The following IGF2BP1 variants were observed in gnomAD, a reference collection of about 807,000 sequenced individuals.
IGF2BP1 encodes the protein insulin like growth factor 2 mRNA binding protein 1.
Under a neutral mutation model 74.9 loss-of-function variants are expected in IGF2BP1, and 11 were observed. That is an observed-to-expected ratio of 0.15 (90% CI 0.09 to 0.24). The LOEUF (loss-of-function observed/expected upper bound fraction) is 0.24. Among genes scored for constraint, IGF2BP1 ranks in the 10% least tolerant of loss-of-function variants. The pLI, the probability that IGF2BP1 is intolerant of heterozygous loss-of-function variation, is 1.00. For missense variants in IGF2BP1, 440 were observed against 757.4 expected (o/e 0.58, Z 4.92); for synonymous variants, 287 against 281.8 (o/e 1.02, Z -0.18).
At chr17:49,030,698 C>T (rs1346983384) in intron 4 of IGF2BP1, among the ~76,000 whole-genome samples, 1 of 151,614 alleles carries the variant, frequency 6.6e-6, no homozygotes, top group African/African-American at 2.4e-5. Context: ...CGATCTTTGG[C>T]TTACTGCAAC....
chr17:49,034,436 C>T (rs77124053), intron 5 of IGF2BP1, among the ~76,000 whole-genome samples: 418 of 148,038 alleles, frequency 2.8e-3, no homozygotes, highest in African/African-American at 1.0e-2. Flanking sequence ...TTTTTTTAAA[C>T]CTCAAAATCT....
intron 2 of IGF2BP1, among the ~76,000 whole-genome samples, chr17:49,017,163 G>T (rs2041715689): frequency 6.6e-6 from 1 of 151,964 alleles, no homozygotes; most frequent in African/African-American, 2.4e-5. Flanking sequence ...TTCTACTCTG[G>T]TGTCAGCCAC....
intron 14 of IGF2BP1, 82 bp from the exon 15 acceptor site, chr17:49,049,270 T>G: frequency 1.8e-6 from 2 of 1,116,494 alleles, no homozygotes; most frequent in Non-Finnish European, 2.7e-6. Flanking sequence ...ATTGCCTGTG[T>G]CTGGACCTGA....
Position 49,049,537 on chromosome 17 carries a change from CG to C in IGF2BP1, c.*96del. The C allele has an allele frequency of 1.9e-6, 2 of 1,048,486 alleles. No homozygotes were observed. Among genetic ancestry groups the C allele is most frequent in the Middle Eastern group, 2.9e-4 (1 of 3,490 alleles). 64.9% of individuals were successfully genotyped at this position (1,048,486 alleles called of 1,614,324 possible). ...GCAGGCCTGAGAATGAGTGGGAATC[CG>C]GGACACCTGGGCCGGGCTGTAGATC... On this transcript the variant is annotated 3_prime_UTR_variant, in exon 15 of 15. Transcript: ENST00000290341.
intron 14 of IGF2BP1, among the ~76,000 whole-genome samples, chr17:49,048,925 G>A (rs2042136090): frequency 6.7e-6 from 1 of 148,456 alleles, no homozygotes; most frequent in Non-Finnish European, 1.5e-5. Context: ...AAGAAAAATT[G>A]TTTTCCATGA....
rs997848207 is a variant in IGF2BP1 at position 49,055,434 on chromosome 17, T to G, written c.*5990T>G. The G allele has an allele frequency of 1.2e-4, 44 of 367,862 alleles. No individual in the cohort carries two copies. Among genetic ancestry groups the G allele is most frequent in the Non-Finnish European group, 1.6e-4 (33 of 207,262 alleles). The allele number at this position is 367,862 out of a possible 1,614,324, so 22.8% of individuals were successfully genotyped here. On this transcript the variant is annotated 3_prime_UTR_variant, in exon 15 of 15. Transcript: ENST00000290341. ...AGCCAGCTGACTTCAGTCACCCCTG[T>G]CCCCCCTCCCCTGCCAATAAGCTCC...
intron 10 of IGF2BP1, 93 bp downstream of exon 10, chr17:49,043,643 C>T: frequency 6.8e-7 from 1 of 1,476,372 alleles, no homozygotes; most frequent in South Asian, 1.3e-5. Flanking sequence ...GGATGCTTGG[C>T]AAGTTTGCAG....
At chr17:49,016,455 A>G (rs2041704488) in intron 2 of IGF2BP1, among the ~76,000 whole-genome samples, 1 of 152,042 alleles carries the variant, frequency 6.6e-6, no homozygotes, top group South Asian at 2.1e-4. Flanking sequence ...AAGCTGAGTG[A>G]TTCCCTTCTC....
intron 5 of IGF2BP1, among the ~76,000 whole-genome samples, chr17:49,035,461 A>G (rs1278209286): frequency 6.6e-6 from 1 of 152,208 alleles, no homozygotes; most frequent in Non-Finnish European, 1.5e-5. Flanking sequence ...CTGGTGTCCT[A>G]ATTCAGTTAT....
intron 9 of IGF2BP1, among the ~76,000 whole-genome samples, chr17:49,043,020 A>G (rs2042069311): frequency 6.6e-6 from 1 of 152,162 alleles, no homozygotes; most frequent in Non-Finnish European, 1.5e-5. Flanking sequence ...GTTGGGGTAC[A>G]GGACCAAAAA....
chr17:49,047,723 T>TC (rs2144154504), intron 14 of IGF2BP1, among the ~76,000 whole-genome samples: 1 of 151,660 alleles, frequency 6.6e-6, no homozygotes, highest in East Asian at 1.9e-4. Context: ...TCTTTTTTTT[T>TC]TTTTTTTTGT....
upstream of IGF2BP1, among the ~76,000 whole-genome samples, chr17:48,997,001 C>G (rs2041410071): frequency 6.6e-6 from 1 of 152,192 alleles, no homozygotes; most frequent in Non-Finnish European, 1.5e-5. This position sits in a 1 kb window ranked among gnomAD's most constrained non-coding sequence, Gnocchi z 4.8. Flanking sequence ...CTGTCAGTCG[C>G]TAGCAGTTAA....
At chr17:49,041,618 TGAA>T in intron 8 of IGF2BP1, 118 bp downstream of exon 8, 1 of 1,364,782 alleles carries the variant, frequency 7.3e-7, no homozygotes, top group Non-Finnish European at 1.0e-6. Context: ...TTCTGCCTCT[TGAA>T]GAAAAACAGT....
intron 2 of IGF2BP1, chr17:49,013,139 A>G (rs536584811): frequency 6.6e-6 from 1 of 152,292 alleles, no homozygotes; most frequent in African/African-American, 2.4e-5. Context: ...GTACTTTGTG[A>G]ACTCTAAAGC....
chr17:49,054,858 G>A lies in IGF2BP1; in HGVS notation c.*5414G>A, dbSNP rs1335018689. Reference sequence around the variant, plus strand: ...CTCTAGAAGGAGAAGAGGTGAAGCAGGATCCTTTGCCCTGGGGGAGTCTGA... The same window carrying A: ...CTCTAGAAGGAGAAGAGGTGAAGCAAGATCCTTTGCCCTGGGGGAGTCTGA... On this transcript the variant is annotated 3_prime_UTR_variant, in exon 15 of 15. Transcript: ENST00000290341. 3.3e-5 allele frequency: 5 copies of A among 152,440 alleles called. No individual in the cohort carries two copies. Among genetic ancestry groups the A allele is most frequent in the African/African-American group, 1.2e-4 (5 of 41,434 alleles). The allele number at this position is 152,440 out of a possible 1,614,324, so 9.4% of individuals were successfully genotyped here.
chr17:49,011,545 A>G (rs1290062175), intron 2 of IGF2BP1, among the ~76,000 whole-genome samples: 1 of 152,032 alleles, frequency 6.6e-6, no homozygotes, highest in Non-Finnish European at 1.5e-5. Context: ...AGGCATTTCT[A>G]TTTCCAAAGT....
intron 4 of IGF2BP1, 80 bp from the exon 5 acceptor site, chr17:49,031,829 CG>C: frequency 3.2e-6 from 4 of 1,265,754 alleles, no homozygotes; most frequent in Non-Finnish European, 4.6e-6. Flanking sequence ...GATCTCAAAA[CG>C]TGGAAAGCTG....
intron 2 of IGF2BP1, among the ~76,000 whole-genome samples, chr17:49,024,626 C>CA (rs2041830422): frequency 6.6e-6 from 1 of 152,106 alleles, no homozygotes; most frequent in African/African-American, 2.4e-5. Flanking sequence ...CTCTGTTTTA[C>CA]GTAGGAAGAA....
chr17:49,040,806 A>G (rs2042043824), intron 7 of IGF2BP1, among the ~76,000 whole-genome samples: 1 of 152,152 alleles, frequency 6.6e-6, no homozygotes, highest in Non-Finnish European at 1.5e-5. Flanking sequence ...TCAATCTCCT[A>G]TTTCTTGATG....
Sources: gnomAD v4.1 joint callset for allele counts (sites outside exome capture counted in the v4.1 genomes callset) on GRCh38, gnomAD v4.1.1 for gene constraint, Gnocchi (gnomAD v3.1) non-coding constraint, MANE v1.5 for transcripts, NCBI Gene and HGNC (gene_info 2026-07-23, HGNC 2026-07-21) for gene names.